C3orf52: variants seen among roughly 807,000 people sequenced by gnomAD.
C3orf52 encodes TPA-induced transmembrane protein.
A neutral mutation model predicts 24.8 loss-of-function variants in C3orf52; 22 were observed. That is an observed-to-expected ratio of 0.89 (90% CI 0.63 to 1.27). The LOEUF (loss-of-function observed/expected upper bound fraction) is 1.27. Among genes scored for constraint, C3orf52 ranks in the 50% most tolerant of loss-of-function variants. The pLI, the probability that C3orf52 is intolerant of heterozygous loss-of-function variation, is 0.00. For missense variants in C3orf52, 265 were observed against 260.7 expected, an observed-to-expected ratio of 1.02 and a Z score of -0.11; for synonymous variants, 93 against 100.2, an observed-to-expected ratio of 0.93 and a Z score of 0.43.
chr3:112,089,190 GAAT>G (rs2073855268), intron 1 of C3orf52, among the ~76,000 whole-genome samples: 2 of 152,158 alleles, frequency 1.3e-5, no homozygotes, highest in South Asian at 2.1e-4. Context: ...AACATCATTT[GAAT>G]AATAACAAAC....
intron 5 of C3orf52, among the ~76,000 whole-genome samples, chr3:112,115,026 G>A (rs1006550772): frequency 1.3e-5 from 2 of 152,340 alleles, no homozygotes; most frequent in Non-Finnish European, 2.9e-5. Context: ...TCCAGCAGGT[G>A]CTGGGAAGGC....
At chr3:112,116,578 A>G (rs1351649666) in intron 5 of C3orf52, 64 bp from the exon 6 acceptor site, 11 of 1,328,466 alleles carry the variant, frequency 8.3e-6, no homozygotes, top group East Asian at 2.5e-5. Flanking sequence ...TGAAATGAAA[A>G]CGTAAGCATT....
chr3:112,131,569 C>A (rs2074452832), downstream of C3orf52, among the ~76,000 whole-genome samples: 1 of 152,170 alleles, frequency 6.6e-6, no homozygotes, highest in East Asian at 1.9e-4. Context: ...TCAAGCAATC[C>A]TCCTGCCTCA....
rs979848676 is a variant in C3orf52, at chr3:112,086,412, A to C, written c.5A>C (p.Asp2Ala). 19 of 1,547,156 alleles carry C rather than the reference A, an allele frequency of 1.2e-5. No individual in the cohort carries two copies. Among genetic ancestry groups the C allele is most frequent in the Non-Finnish European group, 1.5e-5 (17 of 1,144,594 alleles). Reference protein sequence around the residue: MDLAQPSQPVDE... With the variant: MALAQPSQPVDE... ...TCAGACTTTCCCTGCCGGCACATGG[A>C]CCTGGCCCAACCCTCACAGCCAGTA... The change falls in exon 1 of 6, where the codon GAC (aspartate) becomes GCC (alanine). Residue 2 changes from aspartate to alanine, a missense_variant. By Grantham distance (126) the Asp-to-Ala change is moderately radical (BLOSUM62 -2). Coordinates refer to ENST00000264848, the MANE Select transcript of C3orf52 (RefSeq NM_024616.3).
At chr3:112,133,332 T>TGTCA, downstream of C3orf52, 1 of 535,876 alleles carries the variant, frequency 1.9e-6, no homozygotes, top group Non-Finnish European at 3.3e-6. Context: ...TGTCCTAACA[T>TGTCA]GTCAGTGCCT....
chr3:112,118,728 C>CT (rs2074162017), downstream of C3orf52, among the ~76,000 whole-genome samples: 1 of 152,160 alleles, frequency 6.6e-6, no homozygotes, highest in Non-Finnish European at 1.5e-5. Context: ...TACTGGTCAT[C>CT]ACACAACATC....
At chr3:112,113,186 A>C (rs1299120274) in intron 5 of C3orf52, 41 bp downstream of exon 5, 20 of 1,516,120 alleles carry the variant, frequency 1.3e-5, no homozygotes, top group Non-Finnish European at 1.8e-5. Flanking sequence ...GTGACAATAA[A>C]CAGGTGAACC....
rs78663694 is a variant in C3orf52, at chr3:112,097,950, C to T, written c.268+4461C>T. Among the ~76,000 whole-genome samples the T allele has an allele frequency of 3.3e-5, 5 of 152,260 alleles. No homozygotes were observed. In the East Asian group the frequency reaches 9.6e-4, roughly 29 times the overall value. On this transcript the variant is annotated intron_variant, in intron 2 of 5. Transcript: ENST00000264848. ...TAGAAGTTATTTATATCTTACTGCT[C>T]AAGGTCATCACCAAAGTCTGAATGC... is the stretch of plus-strand genomic sequence containing the variant.
chr3:112,128,088 T>C (rs1576167296), intron 4 of C3orf52: 12 of 1,608,108 alleles, frequency 7.5e-6, no homozygotes, highest in Admixed American at 6.7e-5. Flanking sequence ...AGATGGCAAA[T>C]CATAAGGTTG....
intron 4 of C3orf52, chr3:112,111,444 C>G (rs578166711): frequency 6.6e-6 from 1 of 152,310 alleles, no homozygotes; most frequent in South Asian, 2.1e-4. Context: ...GGAAAAATGC[C>G]CTTTGGTTTA....
At chr3:112,129,228 G>A (rs1467632333), downstream of C3orf52, 1 of 152,198 alleles carries the variant, frequency 6.6e-6, no homozygotes, top group African/African-American at 2.4e-5. Context: ...GATTCACTGA[G>A]GAGAAATGAA....
At chr3:112,088,449 CA>C (rs2073848718) in intron 1 of C3orf52, among the ~76,000 whole-genome samples, 1 of 152,150 alleles carries the variant, frequency 6.6e-6, no homozygotes, top group Non-Finnish European at 1.5e-5. Flanking sequence ...TGTCTTGTGA[CA>C]AATACTTTTG....
At chr3:112,103,031 T>C in intron 3 of C3orf52, 66 bp downstream of exon 3, 2 of 1,497,704 alleles carry the variant, frequency 1.3e-6, no homozygotes, top group Non-Finnish European at 9.2e-7. Context: ...GCTAGAATAA[T>C]TGGCATAGAG....
At chr3:112,130,529 T>C (rs1169551556), downstream of C3orf52, 5 of 1,611,568 alleles carry the variant, frequency 3.1e-6, no homozygotes, top group Non-Finnish European at 4.2e-6. Flanking sequence ...ACTCAACATA[T>C]CAGAAACAGG....
rs1349839454 is a variant in C3orf52 at position 112,116,834 on chromosome 3, A to G, written c.*188A>G. 117 of 1,537,752 alleles carry G rather than the reference A, an allele frequency of 7.6e-5. No homozygotes were observed. The highest frequency in any genetic ancestry group is 9.7e-5 in the Non-Finnish European group (111 of 1,146,916). ...TCTAAGCCCAGTAAAACAGCTCCCG[A>G]GCACTGCTTCAGCTGGGTCCAGTCT... On this transcript the variant is annotated 3_prime_UTR_variant, in exon 6 of 6. Coordinates refer to ENST00000264848, the MANE Select transcript of C3orf52 (RefSeq NM_024616.3).
chr3:112,128,029 A>G, intron 4 of C3orf52: 1 of 1,613,800 alleles, frequency 6.2e-7, no homozygotes, highest in Non-Finnish European at 8.5e-7. Context: ...TGGAAGGCAG[A>G]AACACCCTTC....
At chr3:112,102,754 G>A (rs570484708) in intron 2 of C3orf52, 84 bp from the exon 3 acceptor site, 4 of 1,222,610 alleles carry the variant, frequency 3.3e-6, no homozygotes, top group East Asian at 5.2e-5. Context: ...GTTTAAGTAT[G>A]GCAGTCAATG....
At chr3:112,133,459 T>C (rs56109207), downstream of C3orf52, 1 of 243,804 alleles carries the variant, frequency 4.1e-6, no homozygotes, top group Non-Finnish European at 7.9e-6. Flanking sequence ...CCACTACAGA[T>C]ATTTACGTTT....
chr3:112,113,644 A>G (rs995508548), intron 5 of C3orf52, among the ~76,000 whole-genome samples: 3 of 152,236 alleles, frequency 2.0e-5, no homozygotes, highest in Non-Finnish European at 2.9e-5. Flanking sequence ...AGAGGGGTAT[A>G]CAAAGACAAG....
Sources: gnomAD v4.1 joint callset for allele counts (sites outside exome capture counted in the v4.1 genomes callset) on GRCh38, gnomAD v4.1.1 for gene constraint, MANE v1.5 for transcripts, NCBI Gene and HGNC (gene_info 2026-07-23, HGNC 2026-07-21) for gene names.